KIAA1958: variants seen among roughly 807,000 people sequenced by gnomAD.
The protein encoded by KIAA1958 is KIAA1958.
In KIAA1958, 14 loss-of-function variants were observed where a neutral mutation model predicts 47.2. The observed-to-expected ratio is 0.30, with a 90% CI of 0.20 to 0.46. KIAA1958 has a LOEUF of 0.46. Ranked by LOEUF, KIAA1958 falls within the 20% of genes least tolerant of loss-of-function variation. The pLI is 1.00. For synonymous variants in KIAA1958, 354 were observed against 353.3 expected (o/e 1.00, Z -0.02); for missense variants, 803 against 909.2 (o/e 0.88, Z 1.50).
intron 2 of KIAA1958, among the ~76,000 whole-genome samples, chr9:112,636,618 C>T (rs1044014910): frequency 1.3e-5 from 2 of 151,910 alleles, no homozygotes; most frequent in African/African-American, 4.8e-5. Flanking sequence ...ATTTTAAAAC[C>T]TCCCTCTTTA....
intron 3 of KIAA1958, among the ~76,000 whole-genome samples, chr9:112,653,878 C>T (rs921615972): frequency 5.3e-5 from 8 of 152,142 alleles, no homozygotes; most frequent in Admixed American, 3.3e-4. Flanking sequence ...CCAGCCTGGG[C>T]GACAGAGTGA....
At chr9:112,556,142 G>A (rs1456905280) in intron 1 of KIAA1958, among the ~76,000 whole-genome samples, 1 of 152,190 alleles carries the variant, frequency 6.6e-6, no homozygotes, top group African/African-American at 2.4e-5. Context: ...AATTTTGGAG[G>A]GGATACATTC....
chr9:112,664,267 G>A lies in KIAA1958; in HGVS notation c.*4198G>A, dbSNP rs993538618. The A allele has an allele frequency of 1.3e-5, 2 of 152,136 alleles. No homozygotes were observed. Among genetic ancestry groups the A allele is most frequent in the Non-Finnish European group, 1.5e-5 (1 of 68,028 alleles). 9.4% of individuals were successfully genotyped at this position (152,136 alleles called of 1,614,324 possible). Reference sequence around the variant, plus strand: ...ACTTCTAAAATTATTTTGCTATCTCGAAGCAGCAGAATATTGATCATTTTT... The same window carrying A: ...ACTTCTAAAATTATTTTGCTATCTCAAAGCAGCAGAATATTGATCATTTTT... On this transcript the variant is annotated 3_prime_UTR_variant, in exon 4 of 4. Transcript: ENST00000337530.
At chr9:112,651,749 G>C (rs557794548) in intron 3 of KIAA1958, among the ~76,000 whole-genome samples, 2 of 152,012 alleles carry the variant, frequency 1.3e-5, no homozygotes, top group South Asian at 2.1e-4. Context: ...CCCAATACTT[G>C]GAAGTTAGCA....
intron 2 of KIAA1958, among the ~76,000 whole-genome samples, chr9:112,597,290 ATTAT>A (rs985715744): frequency 6.6e-6 from 1 of 152,206 alleles, no homozygotes; most frequent in African/African-American, 2.4e-5. Flanking sequence ...TATCTCACTA[ATTAT>A]TTATGTTAAC....
chr9:112,500,974 GGT>G (rs1834126313), intron 1 of KIAA1958, among the ~76,000 whole-genome samples: 1 of 151,696 alleles, frequency 6.6e-6, no homozygotes, highest in Non-Finnish European at 1.5e-5. Context: ...AGCCCGGCAT[GGT>G]TGCATGCACC....
chr9:112,594,073 C>T (rs1176492281), intron 2 of KIAA1958, among the ~76,000 whole-genome samples: 3 of 152,108 alleles, frequency 2.0e-5, no homozygotes, highest in Non-Finnish European at 2.9e-5. Context: ...CTACATTGCC[C>T]CAGCTGGTCT....
At chr9:112,627,950 C>T (rs1713005455) in intron 2 of KIAA1958, among the ~76,000 whole-genome samples, 1 of 152,124 alleles carries the variant, frequency 6.6e-6, no homozygotes, top group Non-Finnish European at 1.5e-5. Flanking sequence ...CATCTTGCCT[C>T]AGCAATTCCA....
At chr9:112,617,911 C>T (rs1388555062) in intron 2 of KIAA1958, 8 of 1,550,266 alleles carry the variant, frequency 5.2e-6, no homozygotes, top group South Asian at 3.6e-5. Flanking sequence ...GGGAGCAGAA[C>T]GAGAAAACCA....
intron 2 of KIAA1958, among the ~76,000 whole-genome samples, chr9:112,623,562 A>G (rs190086453): frequency 2.0e-3 from 309 of 152,356 alleles, no homozygotes; most frequent in Non-Finnish European, 3.2e-3. Context: ...ATTGATTGAG[A>G]TCAATGTTAG....
intron 2 of KIAA1958, among the ~76,000 whole-genome samples, chr9:112,623,534 A>T (rs930364646): frequency 6.6e-6 from 1 of 152,224 alleles, no homozygotes. Flanking sequence ...TACTAAAATC[A>T]TCAAATTAAT....
intron 2 of KIAA1958, among the ~76,000 whole-genome samples, chr9:112,629,001 T>G (rs1253172272): frequency 1.3e-5 from 2 of 152,194 alleles, no homozygotes; most frequent in African/African-American, 4.8e-5. Flanking sequence ...TGACTATGTA[T>G]GACTTATCTA....
rs748424521 is a variant in KIAA1958 at position 112,575,284 on chromosome 9, TC to T, written c.1171+35del. The stretch of plus-strand genomic sequence containing the variant: ...ACATGAGGCGACAGTGAGTCCCTCA[TC>T]CACGCACGCCAGAATTCTGCGCCGT... On this transcript the variant is annotated intron_variant, in intron 2 of 3. Coordinates refer to ENST00000337530, the MANE Select transcript of KIAA1958 (RefSeq NM_133465.4). The T allele has an allele frequency of 1.5e-5, 21 of 1,422,920 alleles. No homozygotes were observed. In the East Asian group the frequency reaches 4.8e-4, roughly 33 times the overall value. The allele number at this position is 1,422,920 out of a possible 1,614,324, so 88.1% of individuals were successfully genotyped here.
At chr9:112,510,836 A>G (rs1834315421) in intron 1 of KIAA1958, among the ~76,000 whole-genome samples, 1 of 152,080 alleles carries the variant, frequency 6.6e-6, no homozygotes, top group Admixed American at 6.6e-5. Flanking sequence ...AGCTTTTCTA[A>G]TAAGGAGACA....
At position 112,574,946 on chromosome 9, in the gene KIAA1958, T is replaced by A. The variant is rs1221413787; in HGVS notation, c.866T>A (p.Leu289Gln). 1 of 1,613,908 alleles carries A rather than the reference T, an allele frequency of 6.2e-7. No individual in the cohort carries two copies. Among genetic ancestry groups the A allele is most frequent in the African/African-American group, 1.3e-5 (1 of 74,902 alleles). The change falls in exon 2 of 4, where the codon CTG becomes CAG. Residue 289 changes from leucine to glutamine, a missense_variant. Around this residue, in one of 2 missense-constraint regions of KIAA1958, gnomAD observed 761 missense variants for 829.3 expected, o/e 0.92. Coordinates refer to ENST00000337530, the MANE Select transcript of KIAA1958 (RefSeq NM_133465.4). ...PIVQKTARVS[L>Q]ASPNRGPPGT... ...GTCCAGAAGACTGCTAGGGTATCTC[T>A]GGCTTCACCAAACAGAGGACCCCCT...
At chr9:112,604,777 A>C (rs1836196100) in intron 2 of KIAA1958, among the ~76,000 whole-genome samples, 1 of 151,926 alleles carries the variant, frequency 6.6e-6, no homozygotes. Flanking sequence ...CATCCTTTGA[A>C]ATATATGTGG....
Position 112,574,965 on chromosome 9 carries a change from A to G in KIAA1958, c.885A>G (p.Gly295=), listed in dbSNP as rs1480398104. 1.2e-6 allele frequency: 2 copies of G among 1,613,924 alleles called. No individual in the cohort carries two copies. The highest frequency in any genetic ancestry group is 1.3e-5 in the African/African-American group (1 of 74,890). Residue 295 remains glycine (G), a synonymous_variant, in exon 2 of 4, where the codon GGA becomes GGG. Transcript: ENST00000337530. ...TATCTCTGGCTTCACCAAACAGAGG[A>G]CCCCCTGGTACACATGGCACCAACC... ...ARVSLASPNR[G]PPGTHGTNQQ... is the part of the protein sequence containing the mutation.
intron 1 of KIAA1958, among the ~76,000 whole-genome samples, chr9:112,489,999 A>T (rs1564146461): frequency 1.3e-5 from 2 of 152,136 alleles, no homozygotes; most frequent in South Asian, 4.1e-4. Flanking sequence ...TCTTTTTGAC[A>T]TTTTTTTGTA....
Position 112,660,450 on chromosome 9 carries a change from G to A in KIAA1958, c.*381G>A, listed in dbSNP as rs2131256000. ...TTAAAAAAAAAATCCCAGTAGCGCA[G>A]TAGCTTTAGAACGTTAGGAAGACTG... On this transcript the variant is annotated 3_prime_UTR_variant, in exon 4 of 4. Coordinates refer to ENST00000337530, the MANE Select transcript of KIAA1958 (RefSeq NM_133465.4). The A allele has an allele frequency of 4.7e-6, 1 of 211,140 alleles. No homozygotes were observed. The highest frequency in any genetic ancestry group is 1.0e-4 in the East Asian group (1 of 9,526). 13.1% of individuals were successfully genotyped at this position (211,140 alleles called of 1,614,324 possible). A position where few individuals can be genotyped will look rare whatever the true frequency, so the allele number is the denominator to read the frequency against.
Sources: gnomAD v4.1 joint callset for allele counts (sites outside exome capture counted in the v4.1 genomes callset) on GRCh38, gnomAD v4.1.1 for gene constraint, gnomAD v4.1.1 regional missense constraint, MANE v1.5 for transcripts, NCBI Gene and HGNC (gene_info 2026-07-23, HGNC 2026-07-21) for gene names.